The following RBM12 variants were observed in gnomAD, a reference collection of about 807,000 sequenced individuals.
RBM12 encodes RNA-binding protein 12.
A neutral mutation model predicts 37.2 loss-of-function variants in RBM12; 24 were observed. The observed-to-expected ratio is 0.65, with a 90% CI of 0.47 to 0.91. The LOEUF (loss-of-function observed/expected upper bound fraction) is 0.91. Among genes scored for constraint, RBM12 ranks in the 40% least tolerant of loss-of-function variants. The pLI is 0.00. For missense variants in RBM12, 1,061 were observed against 1,183.2 expected (o/e 0.90, Z 1.52); for synonymous variants, 420 against 425.2 (o/e 0.99, Z 0.15).
chr20:35,659,150 AAAAAAG>A (rs2034086893), intron 1 of RBM12, 136 bp from the exon 2 acceptor site: 26 of 457,300 alleles, frequency 5.7e-5, no homozygotes, highest in Non-Finnish European at 9.1e-5. Flanking sequence ...AAAAAAAAAA[AAAAAAG>A]AAAGACACCG....
Position 35,653,796 on chromosome 20 carries a change from ACCTTT to A in RBM12, c.1522_1526del (p.Lys508TyrfsTer18). The stretch of plus-strand genomic sequence containing the variant: ...GAATCATATCTATCTTTTCTAGCAT[ACCTTT>A]CTTAGTAATTGGATGAACTTGAATA... On this transcript the variant is annotated frameshift_variant, in exon 3 of 3. Transcript: ENST00000374114. LOFTEE classifies it high-confidence loss of function. 6.2e-7 allele frequency: 1 copy of A among 1,613,908 alleles called. No homozygotes were observed. Among genetic ancestry groups the A allele is most frequent in the Non-Finnish European group, 8.5e-7 (1 of 1,180,032 alleles).
intron 1 of RBM12, among the ~76,000 whole-genome samples, chr20:35,660,978 T>C (rs943508790): frequency 2.0e-5 from 3 of 152,248 alleles, no homozygotes; most frequent in African/African-American, 7.2e-5. Context: ...ATATTTCTCA[T>C]TCCACAAGGC....
chr20:35,657,089 T>C (rs1434483289), intron 2 of RBM12, among the ~76,000 whole-genome samples: 1 of 152,128 alleles, frequency 6.6e-6, no homozygotes, highest in Non-Finnish European at 1.5e-5. Context: ...TACACAAAAA[T>C]AAAAAGCCAC....
intron 2 of RBM12, among the ~76,000 whole-genome samples, chr20:35,657,420 T>C (rs2033963248): frequency 6.6e-6 from 1 of 152,204 alleles, no homozygotes; most frequent in Admixed American, 6.5e-5. Flanking sequence ...TTAATCACTT[T>C]GTATAGGGGA....
chr20:35,655,599 A>G (rs2033849788), intron 2 of RBM12, among the ~76,000 whole-genome samples: 1 of 152,250 alleles, frequency 6.6e-6, no homozygotes, highest in Admixed American at 6.5e-5. Flanking sequence ...GTTCAAGAAA[A>G]AACAACTGTA....
In RBM12 at chr20:35,654,853, G is replaced by A. The variant is rs1369598625; in HGVS notation, c.470C>T (p.Thr157Ile). The A allele has an allele frequency of 5.0e-6, 8 of 1,614,080 alleles. No homozygotes were observed. Among genetic ancestry groups the A allele is most frequent in the African/African-American group, 1.3e-5 (1 of 74,926 alleles). ...IQTFSTASVGTAPPNMGASFG... is the reference protein window; with the variant it reads ...IQTFSTASVGIAPPNMGASFG... ...GGAAGCCCCCATATTTGGAGGAGCT[G>A]TTCCTACGCTGGCTGTGGAAAATGT... Residue 157 changes from threonine (T) to isoleucine (I), a missense_variant, in exon 3 of 3, where the codon ACA (threonine) becomes ATA (isoleucine). Thr to Ile is a moderately conservative substitution (Grantham distance 89). This residue lies in a region of RBM12 where 540 missense variants were observed against 632.7 expected (regional missense o/e 0.85). Coordinates refer to ENST00000374114, the MANE Select transcript of RBM12 (RefSeq NM_006047.6).
chr20:35,653,618 C>G lies in RBM12; in HGVS notation c.1705G>C (p.Val569Leu). ...AGAACATGTACAGCATTTTCATCCA[C>G]TGGGATTCCTTCTAGGAACTGAAGA... The part of the protein sequence containing the change: ...DVLQFLEGIP[V>L]DENAVHVLVD... Residue 569 changes from valine to leucine, a missense_variant, in exon 3 of 3, where the codon GTG (valine) becomes CTG (leucine). Physicochemically the swap from Val to Leu is conservative, Grantham distance 32. Transcript: ENST00000374114. The G allele has an allele frequency of 6.2e-7, 1 of 1,614,186 alleles. No homozygotes were observed. Among genetic ancestry groups the G allele is most frequent in the Non-Finnish European group, 8.5e-7 (1 of 1,180,044 alleles).
At position 35,653,523 on chromosome 20, in the gene RBM12, C is replaced by A. The variant is rs1175556637; in HGVS notation, c.1800G>T (p.Lys600Asn). 3 of 1,614,124 alleles carry A rather than the reference C, an allele frequency of 1.9e-6. No individual in the cohort carries two copies. In the African/African-American group the frequency reaches 4.0e-5, roughly 22 times the overall value. Residue 600 changes from lysine to asparagine, a missense_variant, in exon 3 of 3, where the codon AAG becomes AAT. Around this residue, in one of 3 missense-constraint regions of RBM12, gnomAD observed 517 missense variants for 534.0 expected, o/e 0.97. Coordinates refer to ENST00000374114, the MANE Select transcript of RBM12 (RefSeq NM_006047.6). The part of the protein sequence containing the change: ...VQFKNEDDAR[K>N]SERLHRKKLN... Reference sequence around the variant, plus strand: ...GTTTTTTACGGTGTAAGCGTTCAGACTTACGTGCATCATCTTCATTTTTAA... The same window carrying A: ...GTTTTTTACGGTGTAAGCGTTCAGAATTACGTGCATCATCTTCATTTTTAA...
Position 35,652,451 on chromosome 20 carries a change from T to C in RBM12, c.*73A>G. The C allele has an allele frequency of 6.7e-7, 1 of 1,494,688 alleles. No individual in the cohort carries two copies. The highest frequency in any genetic ancestry group is 9.0e-7 in the Non-Finnish European group (1 of 1,111,370). 92.6% of individuals were successfully genotyped at this position (1,494,688 alleles called of 1,614,324 possible). A position where few individuals can be genotyped will look rare whatever the true frequency, so the allele number is the denominator to read the frequency against. On this transcript the variant is annotated 3_prime_UTR_variant, in exon 3 of 3. Coordinates refer to ENST00000374114, the MANE Select transcript of RBM12 (RefSeq NM_006047.6). ...CAATCCACAGGTTCTAACCTGGAAATACTAGGAAAACAATCTGGATGCATT... is the reference window on the plus strand; with the variant it reads ...CAATCCACAGGTTCTAACCTGGAAACACTAGGAAAACAATCTGGATGCATT...
rs1258951733 is a variant in RBM12, at chr20:35,652,008, G to C, written c.*516C>G. Reference sequence around the variant, plus strand: ...GCAAGGACCCTTAAGAAGCAATAAAGGTACATACAATGAATCTGTATACAG... The same window carrying C: ...GCAAGGACCCTTAAGAAGCAATAAACGTACATACAATGAATCTGTATACAG... On this transcript the variant is annotated 3_prime_UTR_variant, in exon 3 of 3. Transcript: ENST00000374114. 2.6e-5 allele frequency: 4 copies of C among 152,712 alleles called. No homozygotes were observed. Among genetic ancestry groups the C allele is most frequent in the Non-Finnish European group, 5.9e-5 (4 of 68,312 alleles). 9.5% of individuals were successfully genotyped at this position (152,712 alleles called of 1,614,324 possible). A position where few individuals can be genotyped will look rare whatever the true frequency, so the allele number is the denominator to read the frequency against.
rs201181145 is a variant in RBM12 at position 35,652,818 on chromosome 20, AGGGCCGGGGCCG to A, written c.2493_2504del (p.Gly834_Pro837del). On this transcript the variant is annotated inframe_deletion, in exon 3 of 3. Transcript: ENST00000374114. The stretch of plus-strand genomic sequence containing the variant: ...GGGGACCACCAATATGGATTGGGCC[AGGGCCGGGGCCG>A]GGGCCGGGGCCAGGCCCAAAAGCTG... The A allele has an allele frequency of 3.3e-4, 532 of 1,602,590 alleles. 1 individual carries two copies. Among genetic ancestry groups the A allele is most frequent in the Middle Eastern group, 1.3e-3 (8 of 5,988 alleles).
intron 2 of RBM12, among the ~76,000 whole-genome samples, chr20:35,656,435 G>A (rs926622399): frequency 2.6e-5 from 4 of 152,178 alleles, no homozygotes; most frequent in African/African-American, 9.7e-5. Flanking sequence ...TTTGGAAAGT[G>A]ACACAAACCG....
At chr20:35,662,071 G>A (rs971635305) in intron 1 of RBM12, among the ~76,000 whole-genome samples, 2 of 152,104 alleles carry the variant, frequency 1.3e-5, no homozygotes, top group African/African-American at 2.4e-5. Flanking sequence ...CAAAGTCTGG[G>A]ATCACTCTTA....
In RBM12 at chr20:35,652,410, C is replaced by T; in HGVS notation, c.*114G>A. The T allele has an allele frequency of 8.0e-7, 1 of 1,249,028 alleles. No homozygotes were observed. The highest frequency in any genetic ancestry group is 1.1e-6 in the Non-Finnish European group (1 of 902,752). 77.4% of individuals were successfully genotyped at this position (1,249,028 alleles called of 1,614,324 possible). A position where few individuals can be genotyped will look rare whatever the true frequency, so the allele number is the denominator to read the frequency against. On this transcript the variant is annotated 3_prime_UTR_variant, in exon 3 of 3. Coordinates refer to ENST00000374114, the MANE Select transcript of RBM12 (RefSeq NM_006047.6). ...AATGCTCTATGTTATGGAAACCAAG[C>T]TATATGCAATTGAAACAATCCACAG...
rs1186966437 is a variant in RBM12 at position 35,650,651 on chromosome 20, CAT to C, written c.*1871_*1872del. The C allele has an allele frequency of 2.0e-5, 3 of 152,620 alleles. No individual in the cohort carries two copies. The highest frequency in any genetic ancestry group is 2.0e-4 in the Admixed American group (3 of 15,280). 9.5% of individuals were successfully genotyped at this position (152,620 alleles called of 1,614,324 possible). A position where few individuals can be genotyped will look rare whatever the true frequency, so the allele number is the denominator to read the frequency against. ...TCATGAATTATCAAAAGACCCACAA[CAT>C]AGTCACCTCTTGAGTCTAAACAATC... On this transcript the variant is annotated 3_prime_UTR_variant, in exon 3 of 3. Coordinates refer to ENST00000374114, the MANE Select transcript of RBM12 (RefSeq NM_006047.6).
intron 2 of RBM12, among the ~76,000 whole-genome samples, chr20:35,656,483 A>C (rs1237723441): frequency 2.6e-5 from 4 of 152,230 alleles, no homozygotes; most frequent in Non-Finnish European, 5.9e-5. Flanking sequence ...TTTGAAATTA[A>C]GGTGGTCAAT....
chr20:35,658,734 T>G (rs960838287), intron 2 of RBM12, among the ~76,000 whole-genome samples, 196 bp downstream of exon 2: 1 of 151,776 alleles, frequency 6.6e-6, no homozygotes, highest in Non-Finnish European at 1.5e-5. Flanking sequence ...CACTCCAGCC[T>G]GGGCAACAGA....
intron 2 of RBM12, among the ~76,000 whole-genome samples, chr20:35,657,184 T>C (rs1346950113): frequency 1.3e-5 from 2 of 152,122 alleles, no homozygotes; most frequent in Non-Finnish European, 2.9e-5. Flanking sequence ...ATTTGGGAAG[T>C]GTGGGGAAGC....
In RBM12 at chr20:35,653,055, T is replaced by C. The variant is rs1013250039; in HGVS notation, c.2268A>G (p.Ser756=). The change falls in exon 3 of 3, where the codon TCA becomes TCG. Residue 756 remains serine, a synonymous_variant. Coordinates refer to ENST00000374114, the MANE Select transcript of RBM12 (RefSeq NM_006047.6). Reference sequence around the variant, plus strand: ...GACCAGGCAAACCACTGTTTCCAACTGAAGGCATACCAGGCCTAGCATCAC... The same window carrying C: ...GACCAGGCAAACCACTGTTTCCAACCGAAGGCATACCAGGCCTAGCATCAC... ...AFGDARPGMP[S]VGNSGLPGLG... 2.5e-6 allele frequency: 4 copies of C among 1,613,836 alleles called. No individual in the cohort carries two copies. The highest frequency in any genetic ancestry group is 2.5e-6 in the Non-Finnish European group (3 of 1,180,036).
Sources: gnomAD v4.1 joint callset for allele counts (sites outside exome capture counted in the v4.1 genomes callset) on GRCh38, gnomAD v4.1.1 for gene constraint, gnomAD v4.1.1 regional missense constraint, MANE v1.5 for transcripts, NCBI Gene and HGNC (gene_info 2026-07-23, HGNC 2026-07-21) for gene names.